MACROD2: variants seen among roughly 807,000 people sequenced by gnomAD.
MACROD2 encodes the protein ADP-ribose glycohydrolase MACROD2.
A neutral mutation model predicts 70.4 loss-of-function variants in MACROD2; 36 were observed. The ratio of observed to expected loss-of-function variants is 0.51; its 90% CI spans 0.39 to 0.68. The LOEUF is 0.68. Among genes scored for constraint, MACROD2 ranks in the 30% least tolerant of loss-of-function variants. The pLI, the probability that MACROD2 is intolerant of heterozygous loss-of-function variation, is 0.00. For synonymous variants in MACROD2, 172 were observed against 178.8 expected (o/e 0.96, Z 0.30); for missense variants, 496 against 538.4 (o/e 0.92, Z 0.78).
chr20:14,038,476 G>A (rs1257530632), intron 2 of MACROD2, among the ~76,000 whole-genome samples: 4 of 152,178 alleles, frequency 2.6e-5, no homozygotes, highest in Non-Finnish European at 5.9e-5. Context: ...CTTGCCCAAC[G>A]TCATACTGCT....
At chr20:15,326,342 A>G (rs1329444652) in intron 6 of MACROD2, among the ~76,000 whole-genome samples, 1 of 152,142 alleles carries the variant, frequency 6.6e-6, no homozygotes, top group Non-Finnish European at 1.5e-5. Context: ...AGGCATTCAT[A>G]GATATGTTAA....
intron 5 of MACROD2, among the ~76,000 whole-genome samples, chr20:15,116,722 A>T (rs537443456): frequency 6.6e-6 from 1 of 152,226 alleles, no homozygotes; most frequent in Non-Finnish European, 1.5e-5. Context: ...TGACTTTATT[A>T]TAAGAATACA....
At chr20:15,536,927 C>G (rs963253306) in intron 8 of MACROD2, among the ~76,000 whole-genome samples, 10 of 152,170 alleles carry the variant, frequency 6.6e-5, no homozygotes, top group Non-Finnish European at 1.3e-4. Flanking sequence ...CTCACTACTG[C>G]TTGTTCCTGC....
intron 3 of MACROD2, among the ~76,000 whole-genome samples, chr20:14,399,860 TC>T (rs1184695487): frequency 1.3e-5 from 2 of 152,190 alleles, no homozygotes; most frequent in African/African-American, 4.8e-5. Context: ...TGTTTTTAGT[TC>T]CACCTACTGT....
At chr20:14,944,502 G>T (rs2074414358) in intron 5 of MACROD2, among the ~76,000 whole-genome samples, 1 of 152,130 alleles carries the variant, frequency 6.6e-6, no homozygotes, top group Non-Finnish European at 1.5e-5. Context: ...GTCAGTACTA[G>T]GCTTGTCTGC....
intron 3 of MACROD2, among the ~76,000 whole-genome samples, chr20:14,273,357 A>G (rs1366160799): frequency 2.0e-5 from 3 of 151,728 alleles, no homozygotes; most frequent in Admixed American, 1.3e-4. Flanking sequence ...AAACTGCTCA[A>G]CTACATGGAA....
chr20:14,166,320 CGT>C (rs922610440), intron 3 of MACROD2, among the ~76,000 whole-genome samples: 5 of 151,390 alleles, frequency 3.3e-5, no homozygotes, highest in African/African-American at 7.3e-5. Flanking sequence ...TAGACAATTC[CGT>C]GTGTGTATGT....
intron 2 of MACROD2, among the ~76,000 whole-genome samples, chr20:14,007,205 T>C (rs1256838902): frequency 2.0e-5 from 3 of 152,198 alleles, no homozygotes; most frequent in Non-Finnish European, 4.4e-5. Context: ...AACTTTCTGT[T>C]ATTAAGTCTT....
Position 14,711,656 on chromosome 20 carries a change from A to G in MACROD2, c.418+26697A>G, listed in dbSNP as rs144466906. On this transcript the variant is annotated intron_variant, in intron 5 of 17. Transcript: ENST00000684519. Reference sequence around the variant, plus strand: ...TGAACTAAATCTAAATGGGGGCCAAACCTTCAACTTCACCCTCTGGCAACT... The same window carrying G: ...TGAACTAAATCTAAATGGGGGCCAAGCCTTCAACTTCACCCTCTGGCAACT... 5.3e-5 allele frequency among the ~76,000 whole-genome samples: 8 copies of G among 152,192 alleles called. No individual in the cohort carries two copies. The East Asian group carries it at 1.5e-3, about 29-fold the overall frequency.
In MACROD2 at chr20:15,151,820, C is replaced by T. The variant is rs192136285; in HGVS notation, c.419-78120C>T. Among the ~76,000 whole-genome samples, 98 of 151,932 alleles carry T rather than the reference C, an allele frequency of 6.5e-4. No individual in the cohort carries two copies. The East Asian group carries it at 0.016, about 24-fold the overall frequency. On this transcript the variant is annotated intron_variant, in intron 5 of 17. Transcript: ENST00000684519. ...CATGGAACGAAACTGTAAGCTGGAC[C>T]GGGTGTGAGGAGGGAAGGTGATAAA...
chr20:15,811,847 A>G (rs188942158), intron 8 of MACROD2, among the ~76,000 whole-genome samples: 12 of 152,276 alleles, frequency 7.9e-5, no homozygotes, highest in East Asian at 5.8e-4. Context: ...TGGCCAGGCA[A>G]TCAGCAAAGG....
At chr20:14,612,381 G>A (rs1431899449) in intron 4 of MACROD2, among the ~76,000 whole-genome samples, 1 of 152,058 alleles carries the variant, frequency 6.6e-6, no homozygotes, top group Non-Finnish European at 1.5e-5. Context: ...TTTGGTTACT[G>A]ATTGCCTTTG....
intron 2 of MACROD2, among the ~76,000 whole-genome samples, chr20:14,029,924 T>A (rs117779030): frequency 1.3e-5 from 2 of 152,372 alleles, no homozygotes; most frequent in Non-Finnish European, 2.9e-5. Flanking sequence ...ATTACTGTTC[T>A]GTTTCTAATT....
chr20:15,688,980 T>C (rs1174032075), intron 8 of MACROD2, among the ~76,000 whole-genome samples: 1 of 152,224 alleles, frequency 6.6e-6, no homozygotes, highest in Non-Finnish European at 1.5e-5. Context: ...TGCCAGTCAT[T>C]TCGCTGGATA....
chr20:15,472,553 C>G (rs1011960091), intron 7 of MACROD2, among the ~76,000 whole-genome samples: 3 of 151,970 alleles, frequency 2.0e-5, no homozygotes, highest in African/African-American at 7.2e-5. Flanking sequence ...CACCATTATT[C>G]AAGCCTTAAA....
At chr20:14,026,417 G>C (rs2053166768) in intron 2 of MACROD2, among the ~76,000 whole-genome samples, 1 of 152,192 alleles carries the variant, frequency 6.6e-6, no homozygotes, top group Admixed American at 6.5e-5. Flanking sequence ...CCTGTTAATT[G>C]ATGCAGTTGC....
intron 6 of MACROD2, among the ~76,000 whole-genome samples, chr20:15,415,281 C>T (rs1311988698): frequency 6.6e-6 from 1 of 152,168 alleles, no homozygotes; most frequent in Non-Finnish European, 1.5e-5. Flanking sequence ...AAATTTTGGT[C>T]AGTTCTTTGG....
At chr20:15,859,840 G>A (rs2064401300) in intron 8 of MACROD2, among the ~76,000 whole-genome samples, 1 of 150,988 alleles carries the variant, frequency 6.6e-6, no homozygotes, top group African/African-American at 2.4e-5. Flanking sequence ...GAGCCTAAAT[G>A]ATAAAAGGCA....
At chr20:15,469,512 G>A (rs751915045) in intron 7 of MACROD2, among the ~76,000 whole-genome samples, 16 of 152,168 alleles carry the variant, frequency 1.1e-4, no homozygotes, top group African/African-American at 3.9e-4. Context: ...GGGAAGCAGG[G>A]CCCCAGTGTG....
Sources: allele counts gnomAD v4.1 joint callset (sites outside exome capture counted in the v4.1 genomes callset), GRCh38; gene constraint gnomAD v4.1.1; transcripts MANE v1.5; gene names NCBI Gene and HGNC (gene_info 2026-07-23, HGNC 2026-07-21).